FAAP20: variants seen among roughly 807,000 people sequenced by gnomAD.
FAAP20 encodes the protein Fanconi anemia core complex-associated protein 20.
FAAP20 carries 12 observed loss-of-function variants against 16.2 expected under a neutral mutation model. The observed-to-expected ratio is 0.74, with a 90% CI of 0.48 to 1.20. The LOEUF (loss-of-function observed/expected upper bound fraction) is 1.20. Ranked by LOEUF, FAAP20 falls within the 50% of genes most tolerant of loss-of-function variation. The probability of loss-of-function intolerance (pLI) is 0.00; values close to 1 mark genes in which losing one functional copy is unlikely to be tolerated. For missense variants in FAAP20, 288 were observed against 245.8 expected (o/e 1.17, Z -1.15); for synonymous variants, 141 against 110.7 (o/e 1.27, Z -1.72).
intron 1 of FAAP20, 71 bp downstream of exon 1, chr1:2,194,617 C>T: frequency 1.1e-6 from 1 of 886,010 alleles, no homozygotes; most frequent in Non-Finnish European, 1.4e-6. Context: ...GAGCGGGAGG[C>T]CCGCGGGGGC....
downstream of FAAP20, chr1:2,212,151 C>T (rs1569627854): frequency 6.6e-6 from 1 of 152,450 alleles, no homozygotes; most frequent in East Asian, 1.9e-4. Context: ...TCGTGATCCG[C>T]CCGCCTCAGC....
At chr1:2,200,954 G>A (rs1050583404), upstream of FAAP20, 21 of 1,209,954 alleles carry the variant, frequency 1.7e-5, no homozygotes, top group Middle Eastern at 2.7e-4. Flanking sequence ...CCCCAGTTCA[G>A]CACGTTTTTA....
chr1:2,187,289 T>C (rs904390455), downstream of FAAP20: 4 of 411,258 alleles, frequency 9.7e-6, no homozygotes, highest in Middle Eastern at 4.1e-4. Context: ...CATTTTCTTT[T>C]TTTTTTTCTT....
At chr1:2,192,342 GACA>G in intron 3 of FAAP20, 1 of 991,796 alleles carries the variant, frequency 1.0e-6, no homozygotes, top group Non-Finnish European at 1.2e-6. Context: ...AAGCATTCCA[GACA>G]CACCAAGGCC....
At chr1:2,195,343 C>T (rs1227874717), upstream of FAAP20, among the ~76,000 whole-genome samples, 1 of 152,212 alleles carries the variant, frequency 6.6e-6, no homozygotes. Flanking sequence ...TCTGCGACCT[C>T]AAAGTCGGCC....
At chr1:2,188,081 G>C (rs1453864908), downstream of FAAP20, among the ~76,000 whole-genome samples, 1 of 152,188 alleles carries the variant, frequency 6.6e-6, no homozygotes, top group African/African-American at 2.4e-5. Context: ...TGATTGAAAG[G>C]AAAATACAGA....
upstream of FAAP20, chr1:2,199,062 C>G: frequency 8.2e-7 from 1 of 1,225,818 alleles, no homozygotes; most frequent in Non-Finnish European, 1.0e-6. This position sits in a 1 kb window ranked among gnomAD's most constrained non-coding sequence, Gnocchi z 4.5. Context: ...GTGGCGGGGT[C>G]ATGGCACAGG....
chr1:2,198,907 G>A (rs1688931924), upstream of FAAP20: 4 of 1,289,706 alleles, frequency 3.1e-6, no homozygotes, highest in Non-Finnish European at 4.0e-6. Context: ...GGAGTGCCAG[G>A]CAGACAGGCT....
At chr1:2,205,966 G>A (rs1215656110) in intron 3 of FAAP20, among the ~76,000 whole-genome samples, 2 of 152,268 alleles carry the variant, frequency 1.3e-5, no homozygotes, top group African/African-American at 4.8e-5. Flanking sequence ...CCGAGCTCTC[G>A]GCAGGGATGG....
chr1:2,189,788 G>A lies in FAAP20; in HGVS notation c.471-7C>T, dbSNP rs766744390. 4.8e-5 allele frequency: 78 copies of A among 1,609,354 alleles called. No homozygotes were observed. The highest frequency in any genetic ancestry group is 6.5e-5 in the Non-Finnish European group (76 of 1,176,724). On this transcript the variant is annotated splice_region_variant and splice_polypyrimidine_tract_variant and intron_variant, in intron 3 of 3. Coordinates refer to ENST00000378546, the MANE Select transcript of FAAP20 (RefSeq NM_182533.4). The stretch of plus-strand genomic sequence containing the variant: ...AACATCCAGCTGGGTCAGCCTGCAA[G>A]GGAGGGGCCACACTCACTCGGCCAC...
chr1:2,187,762 C>T (rs1382979387), downstream of FAAP20, among the ~76,000 whole-genome samples: 2 of 151,978 alleles, frequency 1.3e-5, no homozygotes, highest in Non-Finnish European at 2.9e-5. Context: ...GCTGGGCCTG[C>T]CCTTGTCGTC....
chr1:2,203,419 G>C (rs1032679351), upstream of FAAP20: 12 of 985,646 alleles, frequency 1.2e-5, no homozygotes, highest in African/African-American at 1.7e-4. Flanking sequence ...TGCACTGACT[G>C]TTCCTGGCAG....
At chr1:2,200,501 G>A (rs566650464), upstream of FAAP20, 31 of 415,008 alleles carry the variant, frequency 7.5e-5, no homozygotes, top group Middle Eastern at 1.2e-3. Flanking sequence ...CCGGGGGCCC[G>A]GGGCTGGAAG....
chr1:2,201,744 G>A (rs1474235258), upstream of FAAP20, among the ~76,000 whole-genome samples: 3 of 151,680 alleles, frequency 2.0e-5, no homozygotes, highest in Admixed American at 6.6e-5. Context: ...AAGTCTGGGC[G>A]CGGTGGCTCA....
chr1:2,201,324 A>G, upstream of FAAP20: 1 of 980,032 alleles, frequency 1.0e-6, no homozygotes, highest in South Asian at 2.4e-5. Context: ...GCTCGAAGGC[A>G]CAGCCTGGAA....
downstream of FAAP20, chr1:2,184,891 C>A (rs753148601): frequency 6.3e-6 from 10 of 1,577,210 alleles, no homozygotes; most frequent in Admixed American, 1.5e-4. Context: ...CACACGGTCA[C>A]CCCCCTCCCC....
downstream of FAAP20, chr1:2,186,829 G>A (rs918180922): frequency 6.3e-6 from 1 of 159,734 alleles, no homozygotes; most frequent in African/African-American, 2.4e-5. Context: ...AAATATTGAA[G>A]GCACTTACCT....
chr1:2,188,705 G>T (rs1357902683), downstream of FAAP20, among the ~76,000 whole-genome samples: 1 of 152,074 alleles, frequency 6.6e-6, no homozygotes, highest in Non-Finnish European at 1.5e-5. Context: ...TCATTTTGGG[G>T]AATTAAAACA....
downstream of FAAP20, chr1:2,207,514 C>T (rs1235607639): frequency 1.3e-5 from 2 of 152,326 alleles, no homozygotes; most frequent in African/African-American, 2.4e-5. Flanking sequence ...GTCGCCCACT[C>T]GGCATCGGCC....
Sources: allele counts gnomAD v4.1 joint callset (sites outside exome capture counted in the v4.1 genomes callset), GRCh38; gene constraint gnomAD v4.1.1; non-coding constraint Gnocchi (gnomAD v3.1); transcripts MANE v1.5; gene names NCBI Gene and HGNC (gene_info 2026-07-23, HGNC 2026-07-21).